The following SERPINB12 variants were observed in gnomAD, a reference collection of about 807,000 sequenced individuals.
The protein encoded by SERPINB12 is serpin B12.
Under a neutral mutation model 41.1 loss-of-function variants are expected in SERPINB12, and 57 were observed. The observed-to-expected ratio is 1.39, with a 90% CI of 1.12 to 1.73. SERPINB12 has a LOEUF of 1.73. SERPINB12 is among the 40% of genes most tolerant of loss of function. SERPINB12 has a pLI of 0.00. For synonymous variants in SERPINB12, 180 were observed against 181.3 expected (o/e 0.99, Z 0.06); for missense variants, 536 against 501.9 (o/e 1.07, Z -0.65).
intron 5 of SERPINB12, among the ~76,000 whole-genome samples, chr18:63,561,893 C>T (rs1910922502): frequency 6.6e-6 from 1 of 152,026 alleles, no homozygotes; most frequent in South Asian, 2.1e-4. Flanking sequence ...TAACTTGGGT[C>T]AGGGAGGGAG....
In SERPINB12 at chr18:63,563,985, C is replaced by A; in HGVS notation, c.570C>A (p.Ile190=). 6.2e-7 allele frequency: 1 copy of A among 1,607,686 alleles called. No homozygotes were observed. The highest frequency in any genetic ancestry group is 1.1e-5 in the South Asian group (1 of 89,194). ...FWVECQSQGK[I]KELFSKDAIN... ...TCTGGGATCTTTTTTTAGGTAAAAT[C>A]AAGGAACTCTTCAGCAAGGACGCTA... is the stretch of plus-strand genomic sequence containing the variant. The change falls in exon 6 of 8, where the codon ATC becomes ATA. Residue 190 remains isoleucine, a synonymous_variant. Coordinates refer to ENST00000382768, the MANE Select transcript of SERPINB12 (RefSeq NM_001307928.2).
chr18:63,542,989 T>C (rs146301133), intron 1 of SERPINB12, among the ~76,000 whole-genome samples: 33 of 152,338 alleles, frequency 2.2e-4, no homozygotes, highest in African/African-American at 7.7e-4. Flanking sequence ...TTTTAATGGC[T>C]GCACAGTATT....
At chr18:63,566,068 T>C (rs966403326) in intron 7 of SERPINB12, among the ~76,000 whole-genome samples, 3 of 152,122 alleles carry the variant, frequency 2.0e-5, no homozygotes, top group African/African-American at 7.2e-5. Context: ...TAGGAATTCA[T>C]AAAGGCTGGA....
chr18:63,535,053 G>C, the SERPINB12 span, among the ~76,000 whole-genome samples: 44 of 152,070 alleles, frequency 2.9e-4, no homozygotes, highest in Non-Finnish European at 4.7e-4. Context: ...TCAGAATATT[G>C]CTAATGGTTT....
chr18:63,523,537 A>G, the SERPINB12 span, among the ~76,000 whole-genome samples: 1 of 152,210 alleles, frequency 6.6e-6, no homozygotes, highest in Non-Finnish European at 1.5e-5. Flanking sequence ...TGTACACCAT[A>G]TGACAGAAGA....
At chr18:63,546,427 T>C (rs1910389288) in intron 1 of SERPINB12, among the ~76,000 whole-genome samples, 1 of 152,220 alleles carries the variant, frequency 6.6e-6, no homozygotes, top group African/African-American at 2.4e-5. Context: ...TTGTAAAATA[T>C]GTGTGTCAAT....
Position 63,551,036 on chromosome 18 carries a change from G to A in SERPINB12, c.-18-5106G>A, listed in dbSNP as rs140640486. The stretch of plus-strand genomic sequence containing the variant: ...TGTAATCCCAGCACTTTGGGAGGCC[G>A]AGGTGGGCAGATCACGAGGTCAGGA... On this transcript the variant is annotated intron_variant, in intron 1 of 7. Coordinates refer to ENST00000382768, the MANE Select transcript of SERPINB12 (RefSeq NM_001307928.2). 8.1e-3 allele frequency among the ~76,000 whole-genome samples: 1,237 copies of A among 152,170 alleles called. 17 individuals are homozygous for A. The highest frequency in any genetic ancestry group is 0.028 in the African/African-American group (1,176 of 41,524).
At chr18:63,556,374 A>G (rs1910679441) in intron 2 of SERPINB12, 47 bp downstream of exon 2, 9 of 1,561,966 alleles carry the variant, frequency 5.8e-6, no homozygotes, top group Non-Finnish European at 7.0e-6. Flanking sequence ...CTCTGGGTCC[A>G]CACTCAAAGT....
At chr18:63,554,911 A>G (rs984861066) in intron 1 of SERPINB12, among the ~76,000 whole-genome samples, 4 of 152,072 alleles carry the variant, frequency 2.6e-5, no homozygotes, top group African/African-American at 9.7e-5. Context: ...ATAGTGAGTG[A>G]ATTCTCATGA....
At chr18:63,553,975 T>C (rs1910597048) in intron 1 of SERPINB12, among the ~76,000 whole-genome samples, 1 of 152,186 alleles carries the variant, frequency 6.6e-6, no homozygotes, top group Non-Finnish European at 1.5e-5. Flanking sequence ...TAAGGCATAA[T>C]GCTCCTGAAA....
In SERPINB12 at chr18:63,566,734, T is replaced by C. The variant is rs759217476; in HGVS notation, c.1001T>C (p.Leu334Ser). 6.2e-7 allele frequency: 1 copy of C among 1,614,222 alleles called. No individual in the cohort carries two copies. The highest frequency in any genetic ancestry group is 8.5e-7 in the Non-Finnish European group (1 of 1,180,034). Reference sequence around the variant, plus strand: ...GACAGCTATGATCTCAATTCCATTTTACAAGACATGGGCATTACGGATATC... The same window carrying C: ...GACAGCTATGATCTCAATTCCATTTCACAAGACATGGGCATTACGGATATC... The part of the protein sequence containing the change: ...LEDSYDLNSI[L>S]QDMGITDIFD... The change falls in exon 8 of 8, where the codon TTA becomes TCA. Residue 334 changes from leucine to serine, a missense_variant. Transcript: ENST00000382768.
chr18:63,522,206 A>G, the SERPINB12 span, among the ~76,000 whole-genome samples: 1 of 152,236 alleles, frequency 6.6e-6, no homozygotes, highest in African/African-American at 2.4e-5. Flanking sequence ...TAGAAAACCG[A>G]ATCAAGGCAG....
chr18:63,549,662 T>C (rs1568125464), intron 1 of SERPINB12, among the ~76,000 whole-genome samples: 1 of 152,176 alleles, frequency 6.6e-6, no homozygotes, highest in African/African-American at 2.4e-5. Flanking sequence ...ATTGTAGGAA[T>C]CTTTGGAGGA....
chr18:63,563,945 A>T (rs1397466641), intron 5 of SERPINB12, 33 bp from the exon 6 acceptor site: 1 of 1,574,958 alleles, frequency 6.3e-7, no homozygotes. Flanking sequence ...GATACAATTC[A>T]TACTCAGGAT....
Position 63,556,176 on chromosome 18 carries a change from C to T in SERPINB12, c.17C>T (p.Thr6Ile). ...AGTTTTACAATGGACTCTCTTGTTA[C>T]AGCAAACACCAAATTTTGCTTTGAT... Reference protein sequence around the residue: MDSLVTANTKFCFDLF... With the variant: MDSLVIANTKFCFDLF... The change falls in exon 2 of 8, where the codon ACA becomes ATA. Residue 6 changes from threonine to isoleucine, a missense_variant. Physicochemically the swap from Thr to Ile is moderately conservative, Grantham distance 89. Coordinates refer to ENST00000382768, the MANE Select transcript of SERPINB12 (RefSeq NM_001307928.2). The T allele has an allele frequency of 1.9e-6, 3 of 1,613,716 alleles. No homozygotes were observed. Among genetic ancestry groups the T allele is most frequent in the Admixed American group, 1.7e-5 (1 of 60,008 alleles).
Position 63,567,345 on chromosome 18 carries a change from C to A in SERPINB12, c.*334C>A, listed in dbSNP as rs2144358482. Among the ~76,000 whole-genome samples, 1 of 152,294 alleles carries A rather than the reference C, an allele frequency of 6.6e-6. No individual in the cohort carries two copies. Among genetic ancestry groups the A allele is most frequent in the East Asian group, 1.9e-4 (1 of 5,180 alleles). The stretch of plus-strand genomic sequence containing the variant: ...TCATTAGACCATTTCTAAGAGATGG[C>A]AAACTCAGAAGCCACTTTAACATGG... On this transcript the variant is annotated 3_prime_UTR_variant, in exon 8 of 8. Transcript: ENST00000382768.
rs1232823652 is a variant in SERPINB12, at chr18:63,567,436, A to C, written c.*425A>C. ...TCAGCTCTGTTTCTGGGGTAGTTTGACCGGAACGTGTTTGGAAACTCAGCT... is the reference window on the plus strand; with the variant it reads ...TCAGCTCTGTTTCTGGGGTAGTTTGCCCGGAACGTGTTTGGAAACTCAGCT... On this transcript the variant is annotated 3_prime_UTR_variant, in exon 8 of 8. Transcript: ENST00000382768. Among the ~76,000 whole-genome samples, 1 of 152,040 alleles carries C rather than the reference A, an allele frequency of 6.6e-6. No homozygotes were observed. The highest frequency in any genetic ancestry group is 1.5e-5 in the Non-Finnish European group (1 of 67,936).
chr18:63,561,027 C>A, intron 4 of SERPINB12, 58 bp from the exon 5 acceptor site: 1 of 1,130,868 alleles, frequency 8.8e-7, no homozygotes, highest in African/African-American at 1.5e-5. Flanking sequence ...TCACTCCTAA[C>A]TACGAGCATC....
the SERPINB12 span, among the ~76,000 whole-genome samples, chr18:63,533,464 C>T: frequency 6.6e-5 from 10 of 152,232 alleles, no homozygotes; most frequent in South Asian, 2.1e-4. Flanking sequence ...CACTTAATGC[C>T]GAGTCTGAAA....
Sources: allele counts gnomAD v4.1 joint callset (sites outside exome capture counted in the v4.1 genomes callset), GRCh38; gene constraint gnomAD v4.1.1; transcripts MANE v1.5; gene names NCBI Gene and HGNC (gene_info 2026-07-23, HGNC 2026-07-21).